MEGF8: variants seen among roughly 807,000 people sequenced by gnomAD.
MEGF8 encodes multiple EGF like domains 8, also known as multiple epidermal growth factor-like domains protein 8.
In MEGF8, 156 loss-of-function variants were observed where a neutral mutation model predicts 302.9. That is an observed-to-expected ratio of 0.52 (90% confidence interval 0.45 to 0.59). MEGF8 has a LOEUF of 0.59. Among genes scored for constraint, MEGF8 ranks in the 20% least tolerant of loss-of-function variants. MEGF8 has a pLI of 0.00. For synonymous variants in MEGF8, 1,621 were observed against 1,660.5 expected (o/e 0.98, Z 0.58); for missense variants, 3,345 against 3,964.5 (o/e 0.84, Z 4.20).
In MEGF8 at chr19:42,342,019, T is replaced by C. The variant is rs182928568; in HGVS notation, c.1514-1458T>C. ...AAGCGTAAGGAAGGAACCTTAGCAC[T>C]TAAGGGATGGGAAGGAGGAAAGGCC... On this transcript the variant is annotated intron_variant, in intron 8 of 41. Transcript: ENST00000251268. Among the ~76,000 whole-genome samples, 342 of 152,230 alleles carry C rather than the reference T, an allele frequency of 2.2e-3. 1 individual carries two copies. The highest frequency in any genetic ancestry group is 7.8e-3 in the African/African-American group (324 of 41,546).
Position 42,375,391 on chromosome 19 carries a change from A to G in MEGF8, c.7270-116A>G. ...GGAAGTGACTGGGGCAGTGGGGGTG[A>G]GGCCCAGGGCAATGGCTACTTAGCA... On this transcript the variant is annotated intron_variant, in intron 41 of 41. Coordinates refer to ENST00000251268, the MANE Select transcript of MEGF8 (RefSeq NM_001271938.2). The surrounding 1 kb of genome is among the most constrained non-coding windows in gnomAD (Gnocchi z 7.1). 1 of 1,077,946 alleles carries G rather than the reference A, an allele frequency of 9.3e-7. No individual in the cohort carries two copies. Among genetic ancestry groups the G allele is most frequent in the Non-Finnish European group, 1.3e-6 (1 of 769,664 alleles). 66.8% of individuals were successfully genotyped at this position (1,077,946 alleles called of 1,614,324 possible).
At chr19:42,349,067 G>A (rs904183329) in intron 13 of MEGF8, among the ~76,000 whole-genome samples, 1 of 152,168 alleles carries the variant, frequency 6.6e-6, no homozygotes, top group African/African-American at 2.4e-5. Context: ...TGGGAGGTAG[G>A]GGCAGGTGGA....
In MEGF8 at chr19:42,370,264, G is replaced by A. The variant is rs185811990; in HGVS notation, c.6910G>A (p.Ala2304Thr). 25 of 1,613,866 alleles carry A rather than the reference G, an allele frequency of 1.5e-5. No homozygotes were observed. Among genetic ancestry groups the A allele is most frequent in the Middle Eastern group, 3.3e-4 (2 of 6,044 alleles). Residue 2304 changes from alanine to threonine, a missense_variant, in exon 39 of 42, where the codon GCC becomes ACC. Ala to Thr is a moderately conservative substitution (Grantham distance 58, BLOSUM62 0). Transcript: ENST00000251268. ...AGGCGGGACCTGCCGGCCCTGCCAC[G>A]CCTTTTGTCGTGGAAATAGCCACAT... Reference protein sequence around the residue: ...VGGGTCRPCHAFCRGNSHICI... With the variant: ...VGGGTCRPCHTFCRGNSHICI...
In MEGF8 at chr19:42,370,842, C is replaced by CGGGGGG; in HGVS notation, c.7136+11_7136+12insGGGGGG. The CGGGGGG allele has an allele frequency of 1.7e-5, 2 of 119,568 alleles. No individual in the cohort carries two copies. Among genetic ancestry groups the CGGGGGG allele is most frequent in the Admixed American group, 2.2e-4 (1 of 4,498 alleles). The allele number at this position is 119,568 out of a possible 1,614,324, so 7.4% of individuals were successfully genotyped here. On this transcript the variant is annotated intron_variant, in intron 40 of 41. Coordinates refer to ENST00000251268, the MANE Select transcript of MEGF8 (RefSeq NM_001271938.2). ...CGGGAAGTGCACCAAGTAAGAGGAACCGGGGGGGGGGGGGGGGGGGGGGGG... is the reference window on the plus strand; with the variant it reads ...CGGGAAGTGCACCAAGTAAGAGGAACGGGGGGCGGGGGGGGGGGGGGGGGGGGGGGG...
In MEGF8 at chr19:42,353,646, C is replaced by T. The variant is rs760828598; in HGVS notation, c.3732C>T (p.Leu1244=). 1.3e-6 allele frequency: 2 copies of T among 1,581,360 alleles called. No individual in the cohort carries two copies. The highest frequency in any genetic ancestry group is 1.8e-5 in the Admixed American group (1 of 55,820). The change falls in exon 21 of 42, where the codon CTC becomes CTT. Residue 1244 remains leucine (L), a synonymous_variant. Transcript: ENST00000251268. This position sits in a 1 kb window ranked among gnomAD's most constrained non-coding sequence, Gnocchi z 6.1. Reference sequence around the variant, plus strand: ...ACACCGAGGGTGCCCACTGCCAGCTCTGCTCCCCAGGCTATTATGGGGATC... The same window carrying T: ...ACACCGAGGGTGCCCACTGCCAGCTTTGCTCCCCAGGCTATTATGGGGATC... ...QDHTEGAHCQ[L]CSPGYYGDPR...
Position 42,356,076 on chromosome 19 carries a change from C to T in MEGF8, c.4393-7C>T. 1 of 1,586,398 alleles carries T rather than the reference C, an allele frequency of 6.3e-7. No individual in the cohort carries two copies. Among genetic ancestry groups the T allele is most frequent in the Non-Finnish European group, 8.6e-7 (1 of 1,162,502 alleles). On this transcript the variant is annotated splice_region_variant and splice_polypyrimidine_tract_variant and intron_variant, in intron 24 of 41. Coordinates refer to ENST00000251268, the MANE Select transcript of MEGF8 (RefSeq NM_001271938.2). This position sits in a 1 kb window ranked among gnomAD's most constrained non-coding sequence, Gnocchi z 5.2. ...AGGGCTCCCCTGAGTCCCTTGTCAT[C>T]CCCCAGAGCCTGGGTGTGTGCATCT...
chr19:42,367,759 A>C (rs931736451), intron 35 of MEGF8, among the ~76,000 whole-genome samples: 2 of 152,174 alleles, frequency 1.3e-5, no homozygotes, highest in South Asian at 2.1e-4. Flanking sequence ...AAGGAACTGG[A>C]GACAGACTGG....
In MEGF8 at chr19:42,354,407, T is replaced by C. The variant is rs145602821; in HGVS notation, c.4012-181T>C. On this transcript the variant is annotated intron_variant, in intron 22 of 41. Transcript: ENST00000251268. This position sits in a 1 kb window ranked among gnomAD's most constrained non-coding sequence, Gnocchi z 4.3. ...TGCCTGATAGATGAGCCGTGTCTAC[T>C]TTGGACACAGGAAGGGGAGTGGTGG... Among the ~76,000 whole-genome samples the C allele has an allele frequency of 6.6e-3, 1,000 of 152,242 alleles. 5 individuals carry two copies. Among genetic ancestry groups the C allele is most frequent in the Non-Finnish European group, 0.01 (683 of 68,014 alleles).
chr19:42,362,798 G>A (rs1234363292), intron 34 of MEGF8, among the ~76,000 whole-genome samples: 1 of 146,808 alleles, frequency 6.8e-6, no homozygotes, highest in Non-Finnish European at 1.5e-5. Flanking sequence ...GGACTCCTGG[G>A]TCTGAGGGAG....
chr19:42,339,059 C>T (rs1207016309), intron 8 of MEGF8, among the ~76,000 whole-genome samples: 1 of 152,008 alleles, frequency 6.6e-6, no homozygotes, highest in Non-Finnish European at 1.5e-5. Context: ...GTCTCAAACT[C>T]CTGACCTCAG....
Position 42,369,809 on chromosome 19 carries a change from A to C in MEGF8, c.6834+86A>C. On this transcript the variant is annotated intron_variant, in intron 38 of 41. Transcript: ENST00000251268. The surrounding 1 kb of genome is among the most constrained non-coding windows in gnomAD (Gnocchi z 5.7). Reference sequence around the variant, plus strand: ...CCCACGCTCAGGCGGCTCGCATCTCATCCTGAGCCCTGATAAGCCAGGGAC... The same window carrying C: ...CCCACGCTCAGGCGGCTCGCATCTCCTCCTGAGCCCTGATAAGCCAGGGAC... The C allele has an allele frequency of 7.2e-6, 10 of 1,391,732 alleles. No individual in the cohort carries two copies. The highest frequency in any genetic ancestry group is 1.4e-5 in the African/African-American group (1 of 70,422). The allele number at this position is 1,391,732 out of a possible 1,614,324, so 86.2% of individuals were successfully genotyped here. A position where few individuals can be genotyped will look rare whatever the true frequency, so the allele number is the denominator to read the frequency against.
intron 41 of MEGF8, 129 bp downstream of exon 41, chr19:42,371,611 C>A: frequency 7.9e-7 from 1 of 1,267,676 alleles, no homozygotes; most frequent in Non-Finnish European, 1.1e-6. Context: ...GGATCAAGTG[C>A]AGCTTGACAG....
intron 9 of MEGF8, 23 bp from the exon 10 acceptor site, chr19:42,343,930 CT>C (rs1429644810): frequency 1.9e-6 from 3 of 1,609,566 alleles, no homozygotes; most frequent in East Asian, 4.5e-5. Flanking sequence ...TTGCCTCCCC[CT>C]CTGTCCCCTT....
At position 42,351,569 on chromosome 19, in the gene MEGF8, C is replaced by A. The variant is rs777702960; in HGVS notation, c.2987+9C>A. On this transcript the variant is annotated intron_variant, in intron 17 of 41. Coordinates refer to ENST00000251268, the MANE Select transcript of MEGF8 (RefSeq NM_001271938.2). The surrounding 1 kb of genome is among the most constrained non-coding windows in gnomAD (Gnocchi z 5.6). ...CGAGGCTGGGACGACAGGTATGGTC[C>A]CTGGGGCAGGGCTAACAGAGGAAGA... is the stretch of plus-strand genomic sequence containing the variant. The A allele has an allele frequency of 3.7e-6, 6 of 1,607,640 alleles. No individual in the cohort carries two copies. Among genetic ancestry groups the A allele is most frequent in the Non-Finnish European group, 4.2e-6 (5 of 1,177,356 alleles).
At chr19:42,340,356 A>C in intron 8 of MEGF8, among the ~76,000 whole-genome samples, 1 of 152,098 alleles carries the variant, frequency 6.6e-6, no homozygotes, top group Admixed American at 6.5e-5. Flanking sequence ...CAGCCTTCTG[A>C]GTAGCTGGGA....
chr19:42,340,481 G>A (rs911949950), intron 8 of MEGF8, among the ~76,000 whole-genome samples: 6 of 151,954 alleles, frequency 3.9e-5, no homozygotes, highest in Non-Finnish European at 7.4e-5. Context: ...CATCTGCCTC[G>A]GCCTCCCAAA....
chr19:42,370,064 C>T (rs2039664158), intron 38 of MEGF8, 125 bp from the exon 39 acceptor site: 1 of 1,120,534 alleles, frequency 8.9e-7, no homozygotes, highest in African/African-American at 1.6e-5. Context: ...TGGGATTGTC[C>T]AAACCAGGTA....
In MEGF8 at chr19:42,354,513, C is replaced by T. The variant is rs1184722074; in HGVS notation, c.4012-75C>T. On this transcript the variant is annotated intron_variant, in intron 22 of 41. Coordinates refer to ENST00000251268, the MANE Select transcript of MEGF8 (RefSeq NM_001271938.2). The surrounding 1 kb of genome is among the most constrained non-coding windows in gnomAD (Gnocchi z 4.3). ...TCTCAGATTGCCCTCCCCTCTTGAA[C>T]CCCTCCTCCTCCCAGACCCCAGGTG... is the stretch of plus-strand genomic sequence containing the variant. The T allele has an allele frequency of 3.9e-6, 6 of 1,521,528 alleles. No homozygotes were observed. Among genetic ancestry groups the T allele is most frequent in the Admixed American group, 3.6e-5 (2 of 54,930 alleles). 94.3% of individuals were successfully genotyped at this position (1,521,528 alleles called of 1,614,324 possible). A position where few individuals can be genotyped will look rare whatever the true frequency, so the allele number is the denominator to read the frequency against.
Position 42,375,438 on chromosome 19 carries a change from C to G in MEGF8, c.7270-69C>G. 1 of 1,444,376 alleles carries G rather than the reference C, an allele frequency of 6.9e-7. No individual in the cohort carries two copies. Among genetic ancestry groups the G allele is most frequent in the Non-Finnish European group, 9.3e-7 (1 of 1,080,528 alleles). 89.5% of individuals were successfully genotyped at this position (1,444,376 alleles called of 1,614,324 possible). A position where few individuals can be genotyped will look rare whatever the true frequency, so the allele number is the denominator to read the frequency against. On this transcript the variant is annotated intron_variant, in intron 41 of 41. Coordinates refer to ENST00000251268, the MANE Select transcript of MEGF8 (RefSeq NM_001271938.2). This position sits in a 1 kb window ranked among gnomAD's most constrained non-coding sequence, Gnocchi z 7.1. Reference sequence around the variant, plus strand: ...AGCAGTGGGTATAGAGTATTCGTCACTGCTGCTTGGGGGACAGGCTGGCAC... The same window carrying G: ...AGCAGTGGGTATAGAGTATTCGTCAGTGCTGCTTGGGGGACAGGCTGGCAC...
Sources: gnomAD v4.1 joint callset for allele counts (sites outside exome capture counted in the v4.1 genomes callset) on GRCh38, gnomAD v4.1.1 for gene constraint, Gnocchi (gnomAD v3.1) non-coding constraint, MANE v1.5 for transcripts, NCBI Gene and HGNC (gene_info 2026-07-23, HGNC 2026-07-21) for gene names.